Variants in ST6GALNAC3 observed in about 807,000 individuals in gnomAD.
ST6GALNAC3 encodes the protein alpha-N-acetylgalactosaminide alpha-2,6-sialyltransferase 3.
A neutral mutation model predicts 32.7 loss-of-function variants in ST6GALNAC3; 25 were observed. That is an observed-to-expected ratio of 0.76 (90% CI 0.56 to 1.07). ST6GALNAC3 has a LOEUF of 1.07. Among genes scored for constraint, ST6GALNAC3 ranks in the 50% least tolerant of loss-of-function variants. ST6GALNAC3 has a pLI of 0.00. For missense variants in ST6GALNAC3, 355 were observed against 382.4 expected, an observed-to-expected ratio of 0.93 and a Z score of 0.60; for synonymous variants, 129 against 133.1, an observed-to-expected ratio of 0.97 and a Z score of 0.21.
At chr1:76,183,199 T>C (rs1170984876) in intron 1 of ST6GALNAC3, among the ~76,000 whole-genome samples, 1 of 152,206 alleles carries the variant, frequency 6.6e-6, no homozygotes, top group East Asian at 1.9e-4. Context: ...CTCTGCTCTT[T>C]GTAGATTGAC....
intron 1 of ST6GALNAC3, among the ~76,000 whole-genome samples, chr1:76,276,191 C>CTATA (rs59142016): frequency 6.7e-6 from 1 of 149,628 alleles, no homozygotes; most frequent in African/African-American, 2.5e-5. Context: ...TATATATGTA[C>CTATA]TATATATATA....
At chr1:76,620,830 A>G (rs1648595715) in intron 3 of ST6GALNAC3, among the ~76,000 whole-genome samples, 1 of 152,058 alleles carries the variant, frequency 6.6e-6, no homozygotes, top group Admixed American at 6.6e-5. Context: ...GGCCACTGAT[A>G]AATGAAGTGG....
chr1:76,285,072 C>T (rs957539903), intron 1 of ST6GALNAC3, among the ~76,000 whole-genome samples: 2 of 152,162 alleles, frequency 1.3e-5, no homozygotes, highest in Non-Finnish European at 2.9e-5. Flanking sequence ...TGGAGCTCAG[C>T]TGCATCCTGA....
Position 76,509,069 on chromosome 1 carries a change from G to A in ST6GALNAC3, c.623+96652G>A, listed in dbSNP as rs1050250453. ...ACAGCTTGTCATTTTTCAACTCGTC[G>A]ATAAATGGGAATGGAATTATTTATT... is the stretch of plus-strand genomic sequence containing the variant. On this transcript the variant is annotated intron_variant, in intron 3 of 4. Transcript: ENST00000328299. This position sits in a 1 kb window ranked among gnomAD's most constrained non-coding sequence, Gnocchi z 5.5. Among the ~76,000 whole-genome samples, 1 of 152,142 alleles carries A rather than the reference G, an allele frequency of 6.6e-6. No homozygotes were observed. Among genetic ancestry groups the A allele is most frequent in the African/African-American group, 2.4e-5 (1 of 41,428 alleles).
At chr1:76,485,725 C>G (rs1383706987) in intron 3 of ST6GALNAC3, among the ~76,000 whole-genome samples, 1 of 152,110 alleles carries the variant, frequency 6.6e-6, no homozygotes, top group Non-Finnish European at 1.5e-5. Context: ...CTATCTCCTT[C>G]AGTTCTTCTC....
At position 76,224,793 on chromosome 1, in the gene ST6GALNAC3, C is replaced by T. The variant is rs965756619; in HGVS notation, c.19-89012C>T. Among the ~76,000 whole-genome samples the T allele has an allele frequency of 7.9e-5, 12 of 152,238 alleles. No individual in the cohort carries two copies. In the East Asian group the frequency reaches 9.6e-4, roughly 12 times the overall value. On this transcript the variant is annotated intron_variant, in intron 1 of 4. Coordinates refer to ENST00000328299, the MANE Select transcript of ST6GALNAC3 (RefSeq NM_152996.4). ...AGGTAGCCTTTGTCTTGTATTAAAACGCAGTTTTCTCACCAAGTGACTTTG... is the reference window on the plus strand; with the variant it reads ...AGGTAGCCTTTGTCTTGTATTAAAATGCAGTTTTCTCACCAAGTGACTTTG...
intron 2 of ST6GALNAC3, among the ~76,000 whole-genome samples, chr1:76,400,436 C>T (rs887141508): frequency 2.0e-5 from 3 of 152,048 alleles, no homozygotes; most frequent in Admixed American, 6.5e-5. Flanking sequence ...ATATAACAGC[C>T]AACAGACAAA....
chr1:76,214,577 C>T (rs1256244199), intron 1 of ST6GALNAC3, among the ~76,000 whole-genome samples: 1 of 152,112 alleles, frequency 6.6e-6, no homozygotes, highest in African/African-American at 2.4e-5. Flanking sequence ...TAAGTTACTA[C>T]ACATTTACTT....
At chr1:76,315,293 A>G (rs1326608093) in intron 2 of ST6GALNAC3, among the ~76,000 whole-genome samples, 1 of 152,136 alleles carries the variant, frequency 6.6e-6, no homozygotes, top group East Asian at 1.9e-4. Context: ...ATCATTTAAT[A>G]TTCTATAACT....
chr1:76,580,374 A>G (rs1057305948), intron 3 of ST6GALNAC3, among the ~76,000 whole-genome samples: 3 of 152,102 alleles, frequency 2.0e-5, no homozygotes, highest in Non-Finnish European at 2.9e-5. Context: ...CACTAGGCCT[A>G]CGCTTTCTGT....
chr1:76,635,610 AC>A (rs1022104877), downstream of ST6GALNAC3, among the ~76,000 whole-genome samples: 1 of 151,886 alleles, frequency 6.6e-6, no homozygotes, highest in Non-Finnish European at 1.5e-5. Context: ...GTAACCAATA[AC>A]CCCCCAAATT....
chr1:76,200,355 C>T (rs1557691403), intron 1 of ST6GALNAC3, among the ~76,000 whole-genome samples: 1 of 152,138 alleles, frequency 6.6e-6, no homozygotes, highest in African/African-American at 2.4e-5. Flanking sequence ...AAAGAATTCC[C>T]AGTCATTCCT....
At chr1:76,193,037 A>G (rs1160596096) in intron 1 of ST6GALNAC3, among the ~76,000 whole-genome samples, 1 of 152,356 alleles carries the variant, frequency 6.6e-6, no homozygotes, top group East Asian at 1.9e-4. Context: ...AAAAGCCAGA[A>G]TAAACATTAA....
chr1:76,506,243 C>T (rs315095), intron 3 of ST6GALNAC3, among the ~76,000 whole-genome samples: 147,101 of 152,264 alleles, frequency 0.97, 71,133 homozygotes, highest in East Asian at 1. Context: ...TACTGACATA[C>T]GACAGAAGTG....
At chr1:76,392,996 C>T (rs533379509) in intron 2 of ST6GALNAC3, among the ~76,000 whole-genome samples, 1 of 152,248 alleles carries the variant, frequency 6.6e-6, no homozygotes, top group Admixed American at 6.5e-5. Flanking sequence ...TTCCCCTTTG[C>T]ATGCATTATA....
At chr1:76,601,155 G>A (rs967114572) in intron 3 of ST6GALNAC3, among the ~76,000 whole-genome samples, 1 of 152,132 alleles carries the variant, frequency 6.6e-6, no homozygotes, top group Non-Finnish European at 1.5e-5. Context: ...CTGAGATCAT[G>A]CCACTGCACT....
At chr1:76,494,509 TTACCCTTGGCTGAAGCATGAAA>T (rs1660712467) in intron 3 of ST6GALNAC3, among the ~76,000 whole-genome samples, 2 of 127,356 alleles carry the variant, frequency 1.6e-5, no homozygotes, top group African/African-American at 5.7e-5. Flanking sequence ...CTTCCACTTA[TTACCCTTGGCTGAAGCATGAAA>T]ATATATTTCA....
At chr1:76,375,629 G>A (rs1428470588) in intron 2 of ST6GALNAC3, among the ~76,000 whole-genome samples, 1 of 152,176 alleles carries the variant, frequency 6.6e-6, no homozygotes, top group Non-Finnish European at 1.5e-5. Context: ...AATGGTTGGG[G>A]AGGGGTTGAC....
chr1:76,194,688 T>C (rs2100517377), intron 1 of ST6GALNAC3, among the ~76,000 whole-genome samples: 1 of 152,306 alleles, frequency 6.6e-6, no homozygotes. Flanking sequence ...TTGGTAAAAG[T>C]AGATGAAAAT....
Sources: gnomAD v4.1 joint callset for allele counts (sites outside exome capture counted in the v4.1 genomes callset) on GRCh38, gnomAD v4.1.1 for gene constraint, Gnocchi (gnomAD v3.1) non-coding constraint, MANE v1.5 for transcripts, NCBI Gene and HGNC (gene_info 2026-07-23, HGNC 2026-07-21) for gene names.